The following TEKTIP1 variants were observed in gnomAD, a reference collection of about 807,000 sequenced individuals.
TEKTIP1 encodes tektin bundle interacting protein 1, also known as tektin bundle-interacting protein 1.
At chr19:3,542,474 T>C in the TEKTIP1 span, 1 of 984,912 alleles carries the variant, frequency 1.0e-6, no homozygotes, top group Non-Finnish European at 1.2e-6. Context: ...TCTTTGAGTC[T>C]CTTGTCTTTT....
chr19:3,540,645 C>T, the TEKTIP1 span, among the ~76,000 whole-genome samples: 3 of 151,024 alleles, frequency 2.0e-5, no homozygotes, highest in Admixed American at 6.6e-5. Flanking sequence ...TTTCGGAGGC[C>T]GAGGCAGGCG....
At chr19:3,539,265 G>A in the TEKTIP1 span, 2 of 1,542,332 alleles carry the variant, frequency 1.3e-6, no homozygotes, top group Non-Finnish European at 1.8e-6. Context: ...GTACAGGTGA[G>A]CCCCTCCCTA....
chr19:3,543,491 C>CCA, the TEKTIP1 span: 8 of 1,516,078 alleles, frequency 5.3e-6, no homozygotes, highest in Non-Finnish European at 7.1e-6. Flanking sequence ...CCCCCCCCCC[C>CCA]GCCCTGGGCA....
the TEKTIP1 span, chr19:3,540,124 C>T: frequency 7.7e-6 from 1 of 129,084 alleles, no homozygotes; most frequent in Non-Finnish European, 1.6e-5. Context: ...GAGACAGTCT[C>T]ATACTGTTGC....
At chr19:3,541,414 C>T in the TEKTIP1 span, among the ~76,000 whole-genome samples, 47 of 151,516 alleles carry the variant, frequency 3.1e-4, no homozygotes, top group East Asian at 5.4e-3. Flanking sequence ...CCTCTGCCTC[C>T]TGGGTTCTAG....
chr19:3,540,385 G>T, the TEKTIP1 span, among the ~76,000 whole-genome samples: 1 of 151,668 alleles, frequency 6.6e-6, no homozygotes, highest in African/African-American at 2.4e-5. Context: ...AGCCTCCCAA[G>T]TAGCTGGGAT....
chr19:3,542,219 A>C, the TEKTIP1 span: 1 of 985,360 alleles, frequency 1.0e-6, no homozygotes, highest in African/African-American at 1.7e-5. Context: ...GGAAAAGCCG[A>C]GTCTATGTGG....
At chr19:3,542,594 C>G in the TEKTIP1 span, 5 of 753,374 alleles carry the variant, frequency 6.6e-6, no homozygotes, top group South Asian at 3.0e-4. Context: ...CTGCCTCAGC[C>G]TCCTGAGTAG....
chr19:3,543,333 A>C, the TEKTIP1 span: 1 of 1,549,528 alleles, frequency 6.5e-7, no homozygotes, highest in East Asian at 2.4e-5. Context: ...GCAGCCGGCC[A>C]GCTGTGGTAC....
At chr19:3,542,722 A>C in the TEKTIP1 span, 3 of 1,304,952 alleles carry the variant, frequency 2.3e-6, no homozygotes, top group South Asian at 1.2e-5. Context: ...ACCTCAAGTG[A>C]TCCACCTGCC....
chr19:3,543,599 G>A, the TEKTIP1 span: 6,938 of 1,543,790 alleles, frequency 4.5e-3, 59 homozygotes, highest in South Asian at 0.019. Flanking sequence ...TGACCCCATC[G>A]TCCCTGCCCA....
chr19:3,539,654 C>T, the TEKTIP1 span: 58 of 204,646 alleles, frequency 2.8e-4, no homozygotes, highest in East Asian at 4.1e-3. Context: ...CCTTGGCCCC[C>T]GGTCTCTGCT....
At chr19:3,543,399 C>T in the TEKTIP1 span, 481,706 of 1,548,376 alleles carry the variant, frequency 0.31, 85,217 homozygotes, top group East Asian at 0.82. Flanking sequence ...CCACGGGCCC[C>T]GGCCAGCCCC....
At chr19:3,539,209 C>T in the TEKTIP1 span, 10 of 1,550,724 alleles carry the variant, frequency 6.4e-6, no homozygotes, top group Non-Finnish European at 7.8e-6. Context: ...GCTGCACGGC[C>T]CTGTATCCCC....
the TEKTIP1 span, among the ~76,000 whole-genome samples, chr19:3,540,835 T>C: frequency 0.6 from 76,834 of 128,424 alleles, 22,365 homozygotes; most frequent in East Asian, 0.82. Flanking sequence ...GCCGAGATCG[T>C]GCCACTGGAC....
the TEKTIP1 span, chr19:3,542,077 T>A: frequency 1.0e-6 from 1 of 973,410 alleles, no homozygotes; most frequent in Non-Finnish European, 1.2e-6. Flanking sequence ...CCCAAAGTGC[T>A]GGGATTACAG....
chr19:3,539,323 G>A, the TEKTIP1 span: 1 of 1,036,138 alleles, frequency 9.7e-7, no homozygotes, highest in Non-Finnish European at 1.4e-6. Flanking sequence ...CTGGGTGTCA[G>A]GTTACATGGT....
At chr19:3,543,372 A>G in the TEKTIP1 span, 1 of 1,549,296 alleles carries the variant, frequency 6.5e-7, no homozygotes, top group Non-Finnish European at 8.7e-7. Flanking sequence ...GACGCCTGGG[A>G]AGCCTGGTAC....
At chr19:3,539,381 CAT>C in the TEKTIP1 span, 15 of 653,530 alleles carry the variant, frequency 2.3e-5, no homozygotes, top group South Asian at 1.1e-4. Context: ...CTAAAAGGCT[CAT>C]GTGTGTGACG....
Sources: allele counts gnomAD v4.1 joint callset (sites outside exome capture counted in the v4.1 genomes callset), GRCh38; gene constraint gnomAD v4.1.1; transcripts MANE v1.5; gene names NCBI Gene and HGNC (gene_info 2026-07-23, HGNC 2026-07-21).